The following DNAH14 variants were observed in gnomAD, a reference collection of about 807,000 sequenced individuals.
DNAH14 encodes the protein axonemal beta dynein heavy chain 14.
In DNAH14, 478 loss-of-function variants were observed where a neutral mutation model predicts 520.9. The ratio of observed to expected loss-of-function variants is 0.92; its 90% CI spans 0.85 to 0.99. The LOEUF is 0.99. Among genes scored for constraint, DNAH14 ranks in the 50% least tolerant of loss-of-function variants. The probability of loss-of-function intolerance (pLI) is 0.00; values close to 1 mark genes in which losing one functional copy is unlikely to be tolerated. For missense variants in DNAH14, 4,831 were observed against 5,234.5 expected (o/e 0.92, Z 2.38); for synonymous variants, 1,581 against 1,757.2 (o/e 0.90, Z 2.51).
At chr1:225,230,777 T>C (rs2091027784) in intron 41 of DNAH14, among the ~76,000 whole-genome samples, 2 of 152,158 alleles carry the variant, frequency 1.3e-5, no homozygotes, top group African/African-American at 4.8e-5. Flanking sequence ...TGTTTCAAAG[T>C]TTACATTTTG....
Position 225,335,973 on chromosome 1 carries a change from A to G in DNAH14, c.10081-1293A>G, listed in dbSNP as rs1446797330. Among the ~76,000 whole-genome samples the G allele has an allele frequency of 5.5e-5, 8 of 145,700 alleles. No homozygotes were observed. In the South Asian group the frequency reaches 6.4e-4, roughly 12 times the overall value. The stretch of plus-strand genomic sequence containing the variant: ...TATATATACACATATACATATATGT[A>G]CATATGTGTATATACACACATATGC... On this transcript the variant is annotated intron_variant, in intron 66 of 85. Coordinates refer to ENST00000682510, the MANE Select transcript of DNAH14 (RefSeq NM_001367479.1).
chr1:225,384,797 G>A (rs370028557), intron 81 of DNAH14, among the ~76,000 whole-genome samples: 10 of 152,144 alleles, frequency 6.6e-5, no homozygotes, highest in Non-Finnish European at 1.3e-4. Context: ...TCTACCAGAG[G>A]TACAAAGAGG....
At chr1:225,024,006 T>C in intron 11 of DNAH14, 141 bp downstream of exon 11, 1 of 1,380,360 alleles carries the variant, frequency 7.2e-7, no homozygotes. Context: ...ATTTTTGCTA[T>C]TAACAGAACT....
At chr1:225,289,123 A>C (rs1476754395) in intron 54 of DNAH14, among the ~76,000 whole-genome samples, 2 of 152,192 alleles carry the variant, frequency 1.3e-5, no homozygotes, top group African/African-American at 4.8e-5. Context: ...TCAGCAATAA[A>C]AAGGAACAAA....
intron 41 of DNAH14, among the ~76,000 whole-genome samples, chr1:225,227,003 TC>T (rs2090600527): frequency 6.6e-6 from 1 of 152,162 alleles, no homozygotes; most frequent in South Asian, 2.1e-4. Flanking sequence ...ATGTCTCACC[TC>T]CAGTCATAAG....
intron 17 of DNAH14, among the ~76,000 whole-genome samples, chr1:225,064,858 A>C (rs1033124895): frequency 6.6e-6 from 1 of 151,982 alleles, no homozygotes; most frequent in Non-Finnish European, 1.5e-5. Flanking sequence ...AATATGTATG[A>C]GTGTGTTAAA....
intron 1 of DNAH14, among the ~76,000 whole-genome samples, chr1:224,950,682 G>A (rs900707150): frequency 6.6e-6 from 1 of 152,188 alleles, no homozygotes; most frequent in African/African-American, 2.4e-5. Context: ...TGAAGGAGCT[G>A]GCAAATGATG....
chr1:225,266,215 A>G (rs1179437123), intron 48 of DNAH14, among the ~76,000 whole-genome samples: 2 of 152,118 alleles, frequency 1.3e-5, no homozygotes, highest in Non-Finnish European at 2.9e-5. Flanking sequence ...CTTATTCCTA[A>G]ACCAGGGTGC....
intron 8 of DNAH14, among the ~76,000 whole-genome samples, chr1:224,979,373 C>A (rs1425047045): frequency 6.6e-6 from 1 of 152,078 alleles, no homozygotes; most frequent in Admixed American, 6.5e-5. Context: ...TCAGTGCTGC[C>A]CTGTCACAGC....
intron 54 of DNAH14, among the ~76,000 whole-genome samples, chr1:225,288,065 C>A (rs1462682509): frequency 6.6e-6 from 1 of 152,066 alleles, no homozygotes; most frequent in African/African-American, 2.4e-5. Flanking sequence ...CCTCAAGAAG[C>A]TGGGCATAAC....
chr1:225,337,149 A>T, intron 66 of DNAH14, 117 bp from the exon 67 acceptor site: 1 of 891,884 alleles, frequency 1.1e-6, no homozygotes, highest in Non-Finnish European at 1.7e-6. Context: ...TAGCATTTTT[A>T]AACAGTATTT....
At chr1:225,187,404 T>C (rs2084894470) in intron 37 of DNAH14, among the ~76,000 whole-genome samples, 1 of 151,818 alleles carries the variant, frequency 6.6e-6, no homozygotes, top group Non-Finnish European at 1.5e-5. Context: ...TATAGATATA[T>C]ATCTGGGTTT....
At chr1:225,274,458 T>C (rs983783492) in intron 52 of DNAH14, among the ~76,000 whole-genome samples, 9 of 152,000 alleles carry the variant, frequency 5.9e-5, no homozygotes, top group African/African-American at 2.2e-4. Flanking sequence ...CCTCCCAAAG[T>C]GCTGGGATTA....
At chr1:225,128,530 G>A (rs1016009006) in intron 27 of DNAH14, among the ~76,000 whole-genome samples, 2 of 151,868 alleles carry the variant, frequency 1.3e-5, no homozygotes, top group African/African-American at 4.9e-5. Context: ...ATCAATAAAT[G>A]TAATCCAGCA....
intron 50 of DNAH14, among the ~76,000 whole-genome samples, chr1:225,271,356 CT>C (rs2093310543): frequency 2.0e-5 from 3 of 151,950 alleles, no homozygotes; most frequent in Admixed American, 2.0e-4. Flanking sequence ...TTTTTGAAAA[CT>C]TGAGTTTAAA....
intron 11 of DNAH14, among the ~76,000 whole-genome samples, chr1:225,029,732 A>T (rs1224320009): frequency 6.6e-6 from 1 of 151,990 alleles, no homozygotes; most frequent in African/African-American, 2.4e-5. Flanking sequence ...TGGTCAAGTC[A>T]TCCCTAAAAA....
chr1:225,292,613 A>AT (rs2093918018), intron 55 of DNAH14, among the ~76,000 whole-genome samples: 2 of 151,782 alleles, frequency 1.3e-5, no homozygotes, highest in East Asian at 1.9e-4. Flanking sequence ...AATTTTAGGA[A>AT]TTTTTTTCTA....
At chr1:224,946,379 G>C (rs1226624787) in intron 1 of DNAH14, among the ~76,000 whole-genome samples, 2 of 152,134 alleles carry the variant, frequency 1.3e-5, no homozygotes, top group Non-Finnish European at 2.9e-5. Context: ...CGATTTTCCA[G>C]GTGCTGTCTC....
intron 28 of DNAH14, among the ~76,000 whole-genome samples, chr1:225,143,334 C>G (rs2079617341): frequency 1.3e-5 from 2 of 152,154 alleles, no homozygotes; most frequent in Non-Finnish European, 2.9e-5. Context: ...ATACTTTTCT[C>G]TCTCTTGTGG....
Sources: gnomAD v4.1 joint callset for allele counts (sites outside exome capture counted in the v4.1 genomes callset) on GRCh38, gnomAD v4.1.1 for gene constraint, MANE v1.5 for transcripts, NCBI Gene and HGNC (gene_info 2026-07-23, HGNC 2026-07-21) for gene names.